Variants in CHRM3 observed in about 807,000 individuals in gnomAD.
CHRM3 encodes muscarinic acetylcholine receptor M3.
CHRM3 carries 11 observed loss-of-function variants against 41.8 expected under a neutral mutation model. The observed-to-expected ratio is 0.26, with a 90% CI of 0.17 to 0.44. The LOEUF (loss-of-function observed/expected upper bound fraction) is 0.44, where lower values mean the gene tolerates loss of function less well. CHRM3 is among the 20% of genes least tolerant of loss of function. CHRM3 has a pLI of 1.00. For synonymous variants in CHRM3, 297 were observed against 301.4 expected (o/e 0.99, Z 0.15); for missense variants, 571 against 745.4 (o/e 0.77, Z 2.72).
In CHRM3 at chr1:239,907,628, T is replaced by G; in HGVS notation, c.177T>G (p.Pro59=). The change falls in exon 7 of 7, where the codon CCT becomes CCG. Residue 59 remains proline, a synonymous_variant. Transcript: ENST00000676153. This position sits in a 1 kb window ranked among gnomAD's most constrained non-coding sequence, Gnocchi z 5.4. ...CTCCAGACGGTACCACCGATGACCCTCTGGGAGGTCATACCGTCTGGCAAG... is the reference window on the plus strand; with the variant it reads ...CTCCAGACGGTACCACCGATGACCCGCTGGGAGGTCATACCGTCTGGCAAG... ...FSSPDGTTDD[P]LGGHTVWQVV... 2 of 1,614,148 alleles carry G rather than the reference T, an allele frequency of 1.2e-6. No individual in the cohort carries two copies. The highest frequency in any genetic ancestry group is 1.7e-6 in the Non-Finnish European group (2 of 1,180,020).
chr1:239,704,431 G>T (rs1194541889), intron 5 of CHRM3: 2 of 152,106 alleles, frequency 1.3e-5, no homozygotes, highest in Non-Finnish European at 1.5e-5. Context: ...AGGAAATCTG[G>T]TGAACCAGAT....
At chr1:239,660,521 T>G (rs1673098449) in intron 4 of CHRM3, among the ~76,000 whole-genome samples, 1 of 152,174 alleles carries the variant, frequency 6.6e-6, no homozygotes, top group Admixed American at 6.5e-5. Context: ...AAAAAAATCT[T>G]ATTGAACACT....
intron 1 of CHRM3, among the ~76,000 whole-genome samples, chr1:239,475,926 T>C (rs995297497): frequency 6.6e-5 from 10 of 152,130 alleles, no homozygotes; most frequent in African/African-American, 2.4e-4. Context: ...TGGTTGAGAA[T>C]TGTGAGAAAA....
intron 3 of CHRM3, among the ~76,000 whole-genome samples, chr1:239,631,150 T>C (rs2148868093): frequency 6.6e-6 from 1 of 152,328 alleles, no homozygotes; most frequent in Non-Finnish European, 1.5e-5. Flanking sequence ...TTGTCCCCCA[T>C]ATCCTTTGCA....
chr1:239,757,669 G>A lies in CHRM3; in HGVS notation c.-146-69583G>A, dbSNP rs530079747. 2.6e-5 allele frequency among the ~76,000 whole-genome samples: 4 copies of A among 151,832 alleles called. No homozygotes were observed. The South Asian group carries it at 8.3e-4, about 32-fold the overall frequency. ...AAGAAAAGACATCCTCATTAAGAATGTCTGAATCGTATATTTTTTATGTAC... is the reference window on the plus strand; with the variant it reads ...AAGAAAAGACATCCTCATTAAGAATATCTGAATCGTATATTTTTTATGTAC... On this transcript the variant is annotated intron_variant, in intron 5 of 6. Transcript: ENST00000676153.
chr1:239,763,434 A>T (rs1666959419), intron 5 of CHRM3, among the ~76,000 whole-genome samples: 1 of 152,234 alleles, frequency 6.6e-6, no homozygotes, highest in South Asian at 2.1e-4. Context: ...CATTGCACAG[A>T]TGATAAAATT....
At chr1:239,698,940 C>A (rs1221671362) in intron 5 of CHRM3, among the ~76,000 whole-genome samples, 1 of 152,162 alleles carries the variant, frequency 6.6e-6, no homozygotes, top group Non-Finnish European at 1.5e-5. Flanking sequence ...ACACTTACTT[C>A]TTTCAGCATA....
chr1:239,412,161 T>G, intron 1 of CHRM3, among the ~76,000 whole-genome samples: 1 of 150,542 alleles, frequency 6.6e-6, no homozygotes, highest in Non-Finnish European at 1.5e-5. Context: ...TGTATTATTT[T>G]TTGGTTTTAT....
chr1:239,613,847 A>T (rs6674215), intron 3 of CHRM3, among the ~76,000 whole-genome samples: 1 of 152,154 alleles, frequency 6.6e-6, no homozygotes, highest in Non-Finnish European at 1.5e-5. Flanking sequence ...GATGTAAAGT[A>T]CTGACAGCAG....
intron 4 of CHRM3, among the ~76,000 whole-genome samples, chr1:239,637,047 G>T (rs917860409): frequency 6.6e-6 from 1 of 152,092 alleles, no homozygotes; most frequent in African/African-American, 2.4e-5. Flanking sequence ...AAAAAGTATT[G>T]GGAGGAATAG....
intron 1 of CHRM3, among the ~76,000 whole-genome samples, chr1:239,421,866 A>T (rs1255185357): frequency 6.6e-6 from 1 of 152,058 alleles, no homozygotes; most frequent in Admixed American, 6.6e-5. Flanking sequence ...TTACTAGGCT[A>T]AATAATATGC....
intron 1 of CHRM3, among the ~76,000 whole-genome samples, chr1:239,404,834 T>G (rs1660471251): frequency 6.7e-6 from 1 of 150,134 alleles, no homozygotes; most frequent in Admixed American, 6.7e-5. Context: ...AGTTCTTAAC[T>G]TTTTTTGTTT....
chr1:239,852,032 A>G (rs1674739383), intron 6 of CHRM3, among the ~76,000 whole-genome samples: 1 of 152,094 alleles, frequency 6.6e-6, no homozygotes, highest in Non-Finnish European at 1.5e-5. Flanking sequence ...AGTGCTGATC[A>G]TCTTCTTCAT....
At chr1:239,568,861 G>A (rs1449412498) in intron 3 of CHRM3, among the ~76,000 whole-genome samples, 1 of 152,186 alleles carries the variant, frequency 6.6e-6, no homozygotes, top group Non-Finnish European at 1.5e-5. Flanking sequence ...ACTCTGGGCT[G>A]TGACCCACCT....
intron 5 of CHRM3, among the ~76,000 whole-genome samples, chr1:239,790,152 ACTTGT>A (rs745899235): frequency 6.6e-6 from 1 of 152,150 alleles, no homozygotes; most frequent in Non-Finnish European, 1.5e-5. Flanking sequence ...GGCAGAAGGA[ACTTGT>A]CTTGTCTCAC....
chr1:239,455,308 C>T (rs904976417), intron 1 of CHRM3, among the ~76,000 whole-genome samples: 1 of 152,054 alleles, frequency 6.6e-6, no homozygotes, highest in Non-Finnish European at 1.5e-5. Flanking sequence ...GCCTCAGCCT[C>T]CCAAAGTGCT....
At chr1:239,740,056 A>C (rs1664704743) in intron 5 of CHRM3, among the ~76,000 whole-genome samples, 1 of 152,150 alleles carries the variant, frequency 6.6e-6, no homozygotes, top group African/African-American at 2.4e-5. Flanking sequence ...AAAGGGGTGG[A>C]GCATGAGGGG....
chr1:239,445,935 G>A (rs534356789), intron 1 of CHRM3, among the ~76,000 whole-genome samples: 8 of 147,490 alleles, frequency 5.4e-5, no homozygotes, highest in Admixed American at 4.0e-4. Context: ...ATCTTGAATG[G>A]TGTGCACTTT....
At chr1:239,688,594 A>G (rs531300833) in intron 5 of CHRM3, among the ~76,000 whole-genome samples, 70 of 133,586 alleles carry the variant, frequency 5.2e-4, no homozygotes, top group African/African-American at 1.8e-3. Flanking sequence ...TCCATATAAT[A>G]TAATATATTA....
Sources: gnomAD v4.1 joint callset for allele counts (sites outside exome capture counted in the v4.1 genomes callset) on GRCh38, gnomAD v4.1.1 for gene constraint, Gnocchi (gnomAD v3.1) non-coding constraint, MANE v1.5 for transcripts, NCBI Gene and HGNC (gene_info 2026-07-23, HGNC 2026-07-21) for gene names.